KLHL1: variants seen among roughly 807,000 people sequenced by gnomAD.
KLHL1 encodes the protein kelch-like protein 1.
In KLHL1, 47 loss-of-function variants were observed where a neutral mutation model predicts 77.7. That is an observed-to-expected ratio of 0.60 (90% CI 0.48 to 0.77). The LOEUF (loss-of-function observed/expected upper bound fraction) is 0.77, where lower values mean the gene tolerates loss of function less well. Ranked by LOEUF, KLHL1 falls within the 30% of genes least tolerant of loss-of-function variation. The pLI is 0.00. For synonymous variants in KLHL1, 360 were observed against 325.2 expected (o/e 1.11, Z -1.15); for missense variants, 925 against 910.8 (o/e 1.02, Z -0.20).
chr13:70,038,551 C>A (rs1209763236), intron 1 of KLHL1, among the ~76,000 whole-genome samples: 1 of 141,434 alleles, frequency 7.1e-6, no homozygotes, highest in East Asian at 2.2e-4. Flanking sequence ...GTTTTTTTCA[C>A]ATCTTTGCCA....
chr13:69,744,244 C>T (rs1874107959), intron 7 of KLHL1, among the ~76,000 whole-genome samples: 1 of 151,996 alleles, frequency 6.6e-6, no homozygotes, highest in African/African-American at 2.4e-5. Context: ...AGAGAAAAAT[C>T]AGAAGCTTTT....
At chr13:69,860,957 T>A (rs1454977669) in intron 5 of KLHL1, among the ~76,000 whole-genome samples, 5 of 152,036 alleles carry the variant, frequency 3.3e-5, no homozygotes, top group African/African-American at 1.2e-4. Flanking sequence ...AGGGGTGTTG[T>A]TTATAAAAAT....
intron 1 of KLHL1, among the ~76,000 whole-genome samples, chr13:70,019,170 T>C (rs1396720618): frequency 6.6e-6 from 1 of 152,058 alleles, no homozygotes; most frequent in African/African-American, 2.4e-5. Flanking sequence ...GAGAGAAGCA[T>C]CTAATTCAGG....
chr13:69,950,237 T>C (rs1478484298), intron 3 of KLHL1, among the ~76,000 whole-genome samples: 1 of 151,680 alleles, frequency 6.6e-6, no homozygotes, highest in Non-Finnish European at 1.5e-5. Flanking sequence ...CCTATAAAAG[T>C]CCACTGCATG....
At chr13:69,702,880 G>A (rs1443401935) in intron 10 of KLHL1, among the ~76,000 whole-genome samples, 1 of 151,648 alleles carries the variant, frequency 6.6e-6, no homozygotes, top group East Asian at 1.9e-4. Flanking sequence ...ATTTTTATAG[G>A]TCACCACTCT....
At chr13:70,055,433 T>A (rs1886721893) in intron 1 of KLHL1, among the ~76,000 whole-genome samples, 1 of 151,850 alleles carries the variant, frequency 6.6e-6, no homozygotes, top group African/African-American at 2.4e-5. Flanking sequence ...GTTCTTCAAT[T>A]TGAAAAAAAG....
At chr13:70,029,568 C>T (rs912660151) in intron 1 of KLHL1, among the ~76,000 whole-genome samples, 34 of 152,128 alleles carry the variant, frequency 2.2e-4, no homozygotes, top group Non-Finnish European at 3.8e-4. Flanking sequence ...GATTTTGTCA[C>T]CACCAGGCCT....
chr13:69,920,829 C>T (rs1882608635), intron 4 of KLHL1, among the ~76,000 whole-genome samples: 1 of 152,084 alleles, frequency 6.6e-6, no homozygotes, highest in African/African-American at 2.4e-5. Flanking sequence ...AAAAACACCT[C>T]TAAACATTAA....
chr13:69,961,290 A>G lies in KLHL1; in HGVS notation c.817+18T>C. 3.1e-6 allele frequency: 5 copies of G among 1,598,698 alleles called. No homozygotes were observed. Among genetic ancestry groups the G allele is most frequent in the Non-Finnish European group, 4.3e-6 (5 of 1,170,438 alleles). On this transcript the variant is annotated intron_variant, in intron 3 of 10. Coordinates refer to ENST00000377844, the MANE Select transcript of KLHL1 (RefSeq NM_020866.3). Reference sequence around the variant, plus strand: ...ATTTATAAGACATCAGAATGATGTTATAATTATTTTGCCATACCTGTATAT... The same window carrying G: ...ATTTATAAGACATCAGAATGATGTTGTAATTATTTTGCCATACCTGTATAT...
intron 9 of KLHL1, among the ~76,000 whole-genome samples, chr13:69,709,173 G>GT (rs1471701641): frequency 6.6e-6 from 1 of 151,880 alleles, no homozygotes; most frequent in Non-Finnish European, 1.5e-5. Flanking sequence ...TTAATTTTTA[G>GT]TTGTGTAGTT....
chr13:69,896,765 T>C (rs986909686), intron 4 of KLHL1, among the ~76,000 whole-genome samples: 3 of 150,952 alleles, frequency 2.0e-5, no homozygotes, highest in Non-Finnish European at 4.4e-5. Context: ...GCTTCCTGGG[T>C]TCAAGCAATT....
intron 7 of KLHL1, among the ~76,000 whole-genome samples, chr13:69,755,441 A>G (rs1411902909): frequency 1.3e-5 from 2 of 152,070 alleles, no homozygotes; most frequent in East Asian, 3.9e-4. Context: ...GTATTTCTTT[A>G]TAGCAGTTCA....
At chr13:69,858,349 G>T (rs1174548844) in intron 5 of KLHL1, among the ~76,000 whole-genome samples, 2 of 152,112 alleles carry the variant, frequency 1.3e-5, no homozygotes, top group Non-Finnish European at 2.9e-5. Flanking sequence ...TTTAATGAAA[G>T]ACATAACTGT....
At position 70,026,577 on chromosome 13, in the gene KLHL1, C is replaced by T. The variant is rs372310341; in HGVS notation, c.498-50775G>A. ...ATAAATTACTTAACCCATTTGGGTC[C>T]GTTCCCTCATGAGTAAAAATAAGAC... On this transcript the variant is annotated intron_variant, in intron 1 of 10. Transcript: ENST00000377844. 3.9e-5 allele frequency among the ~76,000 whole-genome samples: 6 copies of T among 152,092 alleles called. No individual in the cohort carries two copies. The South Asian group carries it at 8.3e-4, about 21-fold the overall frequency.
intron 4 of KLHL1, among the ~76,000 whole-genome samples, chr13:69,923,432 T>G (rs1593953280): frequency 6.6e-6 from 1 of 152,176 alleles, no homozygotes; most frequent in Non-Finnish European, 1.5e-5. Flanking sequence ...AGTTCTTGTC[T>G]TCTTGAAATT....
chr13:69,975,171 A>T (rs1884507436), intron 2 of KLHL1, among the ~76,000 whole-genome samples: 1 of 152,064 alleles, frequency 6.6e-6, no homozygotes, highest in South Asian at 2.1e-4. Context: ...TCAATATGAA[A>T]TACCTTAATT....
At chr13:69,705,384 A>C (rs1028460696) in intron 10 of KLHL1, among the ~76,000 whole-genome samples, 1 of 151,686 alleles carries the variant, frequency 6.6e-6, no homozygotes, top group African/African-American at 2.4e-5. Flanking sequence ...TCTATTTCCA[A>C]CTCAAGCTAA....
intron 10 of KLHL1, among the ~76,000 whole-genome samples, chr13:69,705,483 A>G (rs959291198): frequency 6.6e-6 from 1 of 151,728 alleles, no homozygotes; most frequent in Non-Finnish European, 1.5e-5. Flanking sequence ...TGCTAATATT[A>G]TATGGAATAA....
chr13:69,721,090 CCTCCCTTACAAGG>C (rs1566358402), intron 8 of KLHL1, among the ~76,000 whole-genome samples: 2 of 32,784 alleles, frequency 6.1e-5, no homozygotes, highest in African/African-American at 1.6e-4. Flanking sequence ...AAGCTATGTA[CCTCCCTTACAAGG>C]AATTTCCTTG....
Sources: allele counts gnomAD v4.1 joint callset (sites outside exome capture counted in the v4.1 genomes callset), GRCh38; gene constraint gnomAD v4.1.1; transcripts MANE v1.5; gene names NCBI Gene and HGNC (gene_info 2026-07-23, HGNC 2026-07-21).